Variants in FBXW2 observed in about 807,000 individuals in gnomAD.
The protein encoded by FBXW2 is F-box and WD repeat domain containing 2, also known as F-box/WD repeat-containing protein 2.
Under a neutral mutation model 46.0 loss-of-function variants are expected in FBXW2, and 12 were observed. The ratio of observed to expected loss-of-function variants is 0.26; its 90% CI spans 0.17 to 0.42. The LOEUF is 0.42. Ranked by LOEUF, FBXW2 falls within the 10% of genes least tolerant of loss-of-function variation. The pLI is 1.00. For missense variants in FBXW2, 360 were observed against 537.0 expected (o/e 0.67, Z 3.26); for synonymous variants, 203 against 209.6 (o/e 0.97, Z 0.27).
intron 4 of FBXW2, among the ~76,000 whole-genome samples, chr9:120,778,087 G>GAGAGAGAGAGAGAAAC (rs2044536984): frequency 6.7e-6 from 1 of 149,780 alleles, no homozygotes; most frequent in African/African-American, 2.5e-5. Context: ...GAGAGAATGA[G>GAGAGAGAGAGAGAAAC]AGAGAGAGAG....
In FBXW2 at chr9:120,772,825, A is replaced by T; in HGVS notation, c.835T>A (p.Cys279Ser). 1 of 1,612,128 alleles carries T rather than the reference A, an allele frequency of 6.2e-7. No individual in the cohort carries two copies. Residue 279 changes from cysteine to serine, a missense_variant, in exon 6 of 8, where the codon TGC becomes AGC. Physicochemically the swap from Cys to Ser is moderately radical, Grantham distance 112. Coordinates refer to ENST00000608872, the MANE Select transcript of FBXW2 (RefSeq NM_012164.4). ...EWVTKVVLQK[C>S]KVKSLLHSPG... ...CTGTGCAAGAGAGACTTGACTTTGCACTTCTGCAAAACTACCTGCAAATGT... is the reference window on the plus strand; with the variant it reads ...CTGTGCAAGAGAGACTTGACTTTGCTCTTCTGCAAAACTACCTGCAAATGT...
At chr9:120,792,756 G>T in intron 2 of FBXW2, 1 of 654,944 alleles carries the variant, frequency 1.5e-6, no homozygotes, top group Non-Finnish European at 2.3e-6. Flanking sequence ...GGTTAAACAA[G>T]ACAGTGCAAG....
At chr9:120,786,043 A>G (rs992233560) in intron 3 of FBXW2, among the ~76,000 whole-genome samples, 1 of 148,214 alleles carries the variant, frequency 6.7e-6, no homozygotes, top group Non-Finnish European at 1.5e-5. Context: ...AAAAAAAAAA[A>G]GAGCTATAAA....
At position 120,771,494 on chromosome 9, in the gene FBXW2, G is replaced by A; in HGVS notation, c.930C>T (p.Ile310=). ...ACAATGTCTTTAAGCACTTACAGTT[G>A]ATTTCTCTCCCAATTGGCCAAATCT... ...EIKIWPIGRE[I]NCKCLKTLSV... The change falls in exon 7 of 8, where the codon ATC becomes ATT. Residue 310 remains isoleucine, a synonymous_variant. Coordinates refer to ENST00000608872, the MANE Select transcript of FBXW2 (RefSeq NM_012164.4). 4 of 1,612,494 alleles carry A rather than the reference G, an allele frequency of 2.5e-6. No homozygotes were observed. Among genetic ancestry groups the A allele is most frequent in the South Asian group, 1.1e-5 (1 of 90,700 alleles).
intron 2 of FBXW2, 45 bp from the exon 3 acceptor site, chr9:120,788,323 G>A (rs768865872): frequency 1.8e-5 from 28 of 1,531,470 alleles, no homozygotes; most frequent in African/African-American, 2.8e-5. Flanking sequence ...CAAAAAGACT[G>A]TTCAAGCAAG....
chr9:120,766,181 CAAGG>C (rs1220231369), intron 7 of FBXW2, among the ~76,000 whole-genome samples: 1 of 151,966 alleles, frequency 6.6e-6, no homozygotes, highest in East Asian at 1.9e-4. Context: ...GAGACCAGGA[CAAGG>C]AAGAACAGCT....
intron 5 of FBXW2, among the ~76,000 whole-genome samples, chr9:120,775,144 G>A (rs914005766): frequency 4.6e-5 from 7 of 151,188 alleles, no homozygotes; most frequent in African/African-American, 1.7e-4. Context: ...TGCAACCTCC[G>A]CCTCCCCAGC....
intron 3 of FBXW2, among the ~76,000 whole-genome samples, chr9:120,787,154 G>A (rs952568293): frequency 1.1e-4 from 16 of 152,256 alleles, no homozygotes; most frequent in South Asian, 6.2e-4. Context: ...TCAGCCTCCC[G>A]AGTAGCTGGG....
At chr9:120,777,341 A>C (rs368894548) in intron 4 of FBXW2, among the ~76,000 whole-genome samples, 1 of 152,266 alleles carries the variant, frequency 6.6e-6, no homozygotes, top group Non-Finnish European at 1.5e-5. Context: ...TGAAGCAAAA[A>C]ATACGTGTTT....
chr9:120,781,171 C>T (rs1224829730), intron 3 of FBXW2, among the ~76,000 whole-genome samples: 1 of 152,152 alleles, frequency 6.6e-6, no homozygotes. Flanking sequence ...GTATTTTAGA[C>T]GTTGACCTAT....
chr9:120,776,058 C>A lies in FBXW2; in HGVS notation c.819+35G>T, dbSNP rs1316711909. On this transcript the variant is annotated intron_variant, in intron 5 of 7. Coordinates refer to ENST00000608872, the MANE Select transcript of FBXW2 (RefSeq NM_012164.4). Reference sequence around the variant, plus strand: ...TCCTCCACGCCCTCCCTCAAAAAGCCTGATAAGCAGGAGACTTCTTCCAAG... The same window carrying A: ...TCCTCCACGCCCTCCCTCAAAAAGCATGATAAGCAGGAGACTTCTTCCAAG... 4.3e-6 allele frequency: 7 copies of A among 1,610,452 alleles called. No individual in the cohort carries two copies. In the South Asian group the frequency reaches 4.4e-5, roughly 10 times the overall value.
chr9:120,780,681 G>C (rs545100924), intron 3 of FBXW2, among the ~76,000 whole-genome samples: 1 of 152,296 alleles, frequency 6.6e-6, no homozygotes, highest in South Asian at 2.1e-4. Context: ...TATGAGCTTG[G>C]TTTTGGTTAC....
intron 6 of FBXW2, among the ~76,000 whole-genome samples, chr9:120,772,476 G>C (rs927795080): frequency 1.4e-5 from 2 of 143,140 alleles, no homozygotes; most frequent in Non-Finnish European, 3.0e-5. Context: ...CTGGGCAACA[G>C]AGCGAGACTG....
chr9:120,773,984 A>C (rs1346513694), intron 5 of FBXW2, among the ~76,000 whole-genome samples: 1 of 152,210 alleles, frequency 6.6e-6, no homozygotes, highest in Non-Finnish European at 1.5e-5. Context: ...TGAGGCCAGG[A>C]GTTCAAGACC....
chr9:120,780,376 T>C (rs2044586358), intron 3 of FBXW2, among the ~76,000 whole-genome samples: 1 of 149,200 alleles, frequency 6.7e-6, no homozygotes, highest in Non-Finnish European at 1.5e-5. Context: ...AAAAAGAAAA[T>C]GTGTTAAAAT....
Position 120,788,171 on chromosome 9 carries a change from C to T in FBXW2, c.88G>A (p.Asp30Asn), listed in dbSNP as rs2044762248. 1 of 1,613,980 alleles carries T rather than the reference C, an allele frequency of 6.2e-7. No homozygotes were observed. The highest frequency in any genetic ancestry group is 1.3e-5 in the African/African-American group (1 of 74,898). ...LTDLQKNETL[D>N]HLISLSGAVQ... The stretch of plus-strand genomic sequence containing the variant: ...GCCCCACTCAGACTAATCAGGTGAT[C>T]CAGAGTTTCATTTTTCTGCAAGTCC... The change falls in exon 3 of 8, where the codon GAT (aspartate) becomes AAT (asparagine). Residue 30 changes from aspartate (D) to asparagine (N), a missense_variant. By Grantham distance (23) the Asp-to-Asn change is conservative. Transcript: ENST00000608872.
Position 120,776,124 on chromosome 9 carries a change from G to A in FBXW2, c.788C>T (p.Thr263Ile). ...WALSAGTCLN[T>I]LTGHTEWVTK... is the part of the protein sequence containing the mutation. ...GACCCATTCCGTGTGCCCGGTGAGT[G>A]TGTTCAGGCATGTCCCAGCAGATAA... Residue 263 changes from threonine to isoleucine, a missense_variant, in exon 5 of 8, where the codon ACA (threonine) becomes ATA (isoleucine). By Grantham distance (89) the Thr-to-Ile change is moderately conservative (BLOSUM62 -1). Transcript: ENST00000608872. The A allele has an allele frequency of 6.2e-7, 1 of 1,614,024 alleles. No homozygotes were observed. The highest frequency in any genetic ancestry group is 2.2e-5 in the East Asian group (1 of 44,878).
chr9:120,780,227 G>A (rs769390650), intron 3 of FBXW2, among the ~76,000 whole-genome samples: 3 of 151,510 alleles, frequency 2.0e-5, no homozygotes, highest in Admixed American at 6.6e-5. Context: ...GCATGATGGC[G>A]TACGCCTGTA....
At chr9:120,772,927 G>C (rs566698494) in intron 5 of FBXW2, 87 bp from the exon 6 acceptor site, 21 of 928,174 alleles carry the variant, frequency 2.3e-5, no homozygotes, top group Non-Finnish European at 3.4e-5. Context: ...ACAAAAATGA[G>C]CTTAACATAT....
Sources: gnomAD v4.1 joint callset for allele counts (sites outside exome capture counted in the v4.1 genomes callset) on GRCh38, gnomAD v4.1.1 for gene constraint, MANE v1.5 for transcripts, NCBI Gene and HGNC (gene_info 2026-07-23, HGNC 2026-07-21) for gene names.